Variants in ARHGEF3 observed in about 807,000 individuals in gnomAD.
ARHGEF3 encodes the protein Rho guanine nucleotide exchange factor 3, also known as 59.8 kDA protein.
Under a neutral mutation model 63.2 loss-of-function variants are expected in ARHGEF3, and 28 were observed. The ratio of observed to expected loss-of-function variants is 0.44; its 90% CI spans 0.33 to 0.61. The LOEUF is 0.61. ARHGEF3 is among the 20% of genes least tolerant of loss of function. ARHGEF3 has a pLI of 0.03. For missense variants in ARHGEF3, 533 were observed against 659.3 expected (o/e 0.81, Z 2.10); for synonymous variants, 266 against 254.2 (o/e 1.05, Z -0.44).
intron 2 of ARHGEF3, among the ~76,000 whole-genome samples, chr3:56,984,391 T>C (rs1337677395): frequency 6.6e-6 from 1 of 152,034 alleles, no homozygotes; most frequent in Non-Finnish European, 1.5e-5. Flanking sequence ...GGATGGATGG[T>C]TGGTAAGTGG....
At chr3:57,069,376 A>AACACACACACACACACACAC (rs147675971) in intron 1 of ARHGEF3, among the ~76,000 whole-genome samples, 5 of 146,362 alleles carry the variant, frequency 3.4e-5, no homozygotes, top group African/African-American at 1.3e-4. Context: ...CTGTCTCTCA[A>AACACACACACACACACACAC]ACACACACAC....
At chr3:56,999,257 G>A (rs1030210046) in intron 2 of ARHGEF3, among the ~76,000 whole-genome samples, 1 of 152,018 alleles carries the variant, frequency 6.6e-6, no homozygotes, top group African/African-American at 2.4e-5. Flanking sequence ...CACCATGTTG[G>A]CCAGACTGGT....
intron 2 of ARHGEF3, among the ~76,000 whole-genome samples, chr3:56,762,606 TG>T (rs2035482192): frequency 1.3e-5 from 2 of 152,176 alleles, no homozygotes; most frequent in African/African-American, 4.8e-5. Flanking sequence ...AGTCCTCCCT[TG>T]CCCTTTTCCA....
intron 4 of ARHGEF3, among the ~76,000 whole-genome samples, chr3:56,851,423 C>T (rs984995429): frequency 6.6e-6 from 1 of 152,204 alleles, no homozygotes; most frequent in Non-Finnish European, 1.5e-5. Flanking sequence ...CAGAATACCA[C>T]AGGCTGGGTG....
chr3:56,752,117 T>C (rs142777643), intron 4 of ARHGEF3, among the ~76,000 whole-genome samples: 1,868 of 152,156 alleles, frequency 0.012, 41 homozygotes, highest in African/African-American at 0.042. Flanking sequence ...GAGACAGGGT[T>C]TCACCATGTT....
chr3:57,042,684 ATATATATATATATATATTT>A (rs1319930255), intron 1 of ARHGEF3, among the ~76,000 whole-genome samples: 1 of 9,860 alleles, frequency 1.0e-4, no homozygotes, highest in East Asian at 5.0e-3. Context: ...ATATATATAT[ATATATATATATATATATTT>A]TTTTTTTTTT....
At chr3:56,765,458 G>A (rs2035651892) in intron 2 of ARHGEF3, among the ~76,000 whole-genome samples, 1 of 152,110 alleles carries the variant, frequency 6.6e-6, no homozygotes, top group Non-Finnish European at 1.5e-5. Flanking sequence ...TCATCTCCAT[G>A]TCAGCCAAAT....
chr3:56,790,428 C>T (rs1349146406), intron 1 of ARHGEF3, among the ~76,000 whole-genome samples: 1 of 152,130 alleles, frequency 6.6e-6, no homozygotes, highest in Non-Finnish European at 1.5e-5. Context: ...CAGCTTATTT[C>T]CTTCTTTACA....
chr3:56,940,736 A>G (rs1699138574), intron 3 of ARHGEF3: 1 of 152,170 alleles, frequency 6.6e-6, no homozygotes, highest in Admixed American at 6.5e-5. Context: ...TCTTTAGAAA[A>G]CAGTCATCTC....
At chr3:57,066,755 T>C (rs1301999882) in intron 1 of ARHGEF3, among the ~76,000 whole-genome samples, 1 of 152,242 alleles carries the variant, frequency 6.6e-6, no homozygotes, top group Non-Finnish European at 1.5e-5. Context: ...CAGATTATTC[T>C]CCATGATGTG....
chr3:56,998,591 C>T (rs550198552), intron 2 of ARHGEF3, among the ~76,000 whole-genome samples: 55 of 152,148 alleles, frequency 3.6e-4, no homozygotes, highest in African/African-American at 1.3e-3. Context: ...GCCCTCAGCC[C>T]GAGCCCTCCT....
chr3:57,029,447 A>G (rs1406033592), intron 2 of ARHGEF3, among the ~76,000 whole-genome samples: 2 of 151,462 alleles, frequency 1.3e-5, no homozygotes, highest in African/African-American at 4.9e-5. Context: ...AAAAAAATCT[A>G]CTTACCTCAT....
chr3:56,814,225 T>G (rs943182532), intron 4 of ARHGEF3, among the ~76,000 whole-genome samples: 1 of 152,236 alleles, frequency 6.6e-6, no homozygotes, highest in African/African-American at 2.4e-5. Context: ...ACAGGCTGCA[T>G]GCATCCCAGG....
intron 2 of ARHGEF3, among the ~76,000 whole-genome samples, chr3:57,006,217 C>G (rs1034455144): frequency 6.6e-6 from 1 of 152,214 alleles, no homozygotes; most frequent in African/African-American, 2.4e-5. Flanking sequence ...CCATCCCAGT[C>G]ATGCATTAAA....
intron 3 of ARHGEF3, among the ~76,000 whole-genome samples, chr3:56,900,566 G>C (rs544313445): frequency 1.3e-5 from 2 of 152,314 alleles, no homozygotes; most frequent in East Asian, 3.9e-4. Flanking sequence ...GGAAGTCAAA[G>C]CTGCAGTGAG....
intron 3 of ARHGEF3, among the ~76,000 whole-genome samples, chr3:56,907,686 C>T (rs1278074061): frequency 6.6e-6 from 1 of 152,100 alleles, no homozygotes; most frequent in Non-Finnish European, 1.5e-5. Context: ...ACTATGCAGC[C>T]ATAAAAAGAA....
At chr3:56,863,976 C>A (rs762294115) in intron 4 of ARHGEF3, among the ~76,000 whole-genome samples, 7 of 152,182 alleles carry the variant, frequency 4.6e-5, no homozygotes, top group Non-Finnish European at 1.0e-4. Context: ...AGTGCCCACT[C>A]AAGACCAGGC....
chr3:56,766,701 CA>C (rs1028146010), intron 2 of ARHGEF3, among the ~76,000 whole-genome samples: 2 of 151,984 alleles, frequency 1.3e-5, no homozygotes, highest in African/African-American at 4.8e-5. Context: ...AAAACTGTAG[CA>C]AAAGAGAAGG....
chr3:56,979,395 G>A (rs1158418114), intron 2 of ARHGEF3, among the ~76,000 whole-genome samples: 1 of 152,216 alleles, frequency 6.6e-6, no homozygotes, highest in African/African-American at 2.4e-5. Context: ...ATCCGTGGTA[G>A]GGCCAAGCTC....
Sources: allele counts gnomAD v4.1 joint callset (sites outside exome capture counted in the v4.1 genomes callset), GRCh38; gene constraint gnomAD v4.1.1; transcripts MANE v1.5; gene names NCBI Gene and HGNC (gene_info 2026-07-23, HGNC 2026-07-21).